Variants in UTS2 observed in about 807,000 individuals in gnomAD.
UTS2 encodes the protein urotensin-2.
Under a neutral mutation model 12.6 loss-of-function variants are expected in UTS2, and 10 were observed. The ratio of observed to expected loss-of-function variants is 0.80; its 90% CI spans 0.49 to 1.35. UTS2 has a LOEUF of 1.35. UTS2 is among the 40% of genes most tolerant of loss of function. UTS2 has a pLI of 0.00. For synonymous variants in UTS2, 52 were observed against 50.0 expected, an observed-to-expected ratio of 1.04 and a Z score of -0.17; for missense variants, 142 against 143.2, an observed-to-expected ratio of 0.99 and a Z score of 0.04.
At chr1:7,858,542 C>CA in the UTS2 span, among the ~76,000 whole-genome samples, 1 of 152,166 alleles carries the variant, frequency 6.6e-6, no homozygotes, top group Non-Finnish European at 1.5e-5. Flanking sequence ...TCCCTGATGA[C>CA]ACGTTTGTCG....
chr1:7,878,088 C>A, the UTS2 span, among the ~76,000 whole-genome samples: 1 of 152,220 alleles, frequency 6.6e-6, no homozygotes, highest in Non-Finnish European at 1.5e-5. Flanking sequence ...CAGCAGATTT[C>A]TCAGCAGGCC....
upstream of UTS2, among the ~76,000 whole-genome samples, chr1:7,855,264 C>T (rs1371146337): frequency 6.6e-6 from 1 of 152,168 alleles, no homozygotes; most frequent in East Asian, 1.9e-4. Context: ...AAATTAGAAA[C>T]ATTTGCTCAA....
chr1:7,882,809 G>GA, the UTS2 span, among the ~76,000 whole-genome samples: 1 of 152,078 alleles, frequency 6.6e-6, no homozygotes, highest in African/African-American at 2.4e-5. Context: ...AGAGATATAT[G>GA]AAAAAATGTT....
the UTS2 span, among the ~76,000 whole-genome samples, chr1:7,884,076 A>T: frequency 6.6e-6 from 1 of 152,084 alleles, no homozygotes; most frequent in Admixed American, 6.5e-5. Flanking sequence ...GGCCTCCCAA[A>T]GGGAAACCAA....
chr1:7,850,809 T>C lies in UTS2; in HGVS notation c.214+3A>G. On this transcript the variant is annotated splice_donor_region_variant and intron_variant, in intron 2 of 3. Coordinates refer to ENST00000361696, the MANE Select transcript of UTS2 (RefSeq NM_006786.4). The stretch of plus-strand genomic sequence containing the variant: ...CACGCTATAAACATGAGAAGCATTT[T>C]ACCTGCTTTCCTGAGAATATCCCCT... 6 of 1,613,950 alleles carry C rather than the reference T, an allele frequency of 3.7e-6. No individual in the cohort carries two copies. The highest frequency in any genetic ancestry group is 5.1e-6 in the Non-Finnish European group (6 of 1,179,784).
the UTS2 span, among the ~76,000 whole-genome samples, chr1:7,899,344 C>T: frequency 6.6e-6 from 1 of 152,164 alleles, no homozygotes; most frequent in Non-Finnish European, 1.5e-5. Flanking sequence ...TCGTGACCAT[C>T]TTTATCCTGT....
chr1:7,890,580 T>C, the UTS2 span, among the ~76,000 whole-genome samples: 2 of 152,058 alleles, frequency 1.3e-5, no homozygotes, highest in Non-Finnish European at 1.5e-5. Flanking sequence ...AATAGCAGCA[T>C]TAAAATGATG....
At chr1:7,907,590 A>G in the UTS2 span, among the ~76,000 whole-genome samples, 70 of 151,028 alleles carry the variant, frequency 4.6e-4, no homozygotes, top group Non-Finnish European at 8.1e-4. Context: ...GCAGTGAGCT[A>G]TGATCACACC....
chr1:7,911,540 A>G, the UTS2 span, among the ~76,000 whole-genome samples: 1 of 152,114 alleles, frequency 6.6e-6, no homozygotes, highest in African/African-American at 2.4e-5. Context: ...CTGCAATCCA[A>G]CCTCAAAATT....
chr1:7,906,895 T>C, the UTS2 span, among the ~76,000 whole-genome samples: 9 of 152,140 alleles, frequency 5.9e-5, no homozygotes, highest in Admixed American at 5.9e-4. Flanking sequence ...CATCCCATCA[T>C]TGCAATCAGA....
chr1:7,872,193 G>C, the UTS2 span, among the ~76,000 whole-genome samples: 1 of 150,712 alleles, frequency 6.6e-6, no homozygotes, highest in African/African-American at 2.4e-5. Context: ...CCCAGTACTC[G>C]GGAGGCTGAG....
the UTS2 span, among the ~76,000 whole-genome samples, chr1:7,880,125 G>C: frequency 6.6e-6 from 1 of 151,974 alleles, no homozygotes; most frequent in African/African-American, 2.4e-5. Flanking sequence ...AGGCATGGTG[G>C]CACACACCTA....
chr1:7,847,735 T>G lies in UTS2; in HGVS notation c.*31A>C. On this transcript the variant is annotated 3_prime_UTR_variant, in exon 4 of 4. Coordinates refer to ENST00000361696, the MANE Select transcript of UTS2 (RefSeq NM_006786.4). ...TTTTTCATATTCTAAGATGGGTGTTTCTGAGCTGACTAACAGATGCTTATT... is the reference window on the plus strand; with the variant it reads ...TTTTTCATATTCTAAGATGGGTGTTGCTGAGCTGACTAACAGATGCTTATT... 6.5e-7 allele frequency: 1 copy of G among 1,532,108 alleles called. No individual in the cohort carries two copies. The allele number at this position is 1,532,108 out of a possible 1,614,324, so 94.9% of individuals were successfully genotyped here. A position where few individuals can be genotyped will look rare whatever the true frequency, so the allele number is the denominator to read the frequency against.
the UTS2 span, among the ~76,000 whole-genome samples, chr1:7,859,788 A>G: frequency 0.38 from 58,304 of 152,072 alleles, 12,443 homozygotes; most frequent in Non-Finnish European, 0.48. Flanking sequence ...ACTTGAGCCC[A>G]GGAGTTCAGT....
At chr1:7,886,320 G>T in the UTS2 span, among the ~76,000 whole-genome samples, 1 of 152,208 alleles carries the variant, frequency 6.6e-6, no homozygotes, top group East Asian at 1.9e-4. Context: ...TTGGAACAGA[G>T]AAAAATATTT....
the UTS2 span, among the ~76,000 whole-genome samples, chr1:7,911,824 C>A: frequency 1.3e-5 from 2 of 150,246 alleles, no homozygotes; most frequent in Non-Finnish European, 2.9e-5. Flanking sequence ...TCGCTTGAAC[C>A]CAGGAGGCGG....
the UTS2 span, among the ~76,000 whole-genome samples, chr1:7,898,971 T>A: frequency 6.6e-6 from 1 of 152,000 alleles, no homozygotes; most frequent in Non-Finnish European, 1.5e-5. Flanking sequence ...TGGCTCGAGG[T>A]TCCATAGGCT....
chr1:7,874,254 G>A, the UTS2 span, among the ~76,000 whole-genome samples: 1 of 152,254 alleles, frequency 6.6e-6, no homozygotes, highest in Non-Finnish European at 1.5e-5. Flanking sequence ...GAGCCCCTTG[G>A]CCCTCATGGG....
chr1:7,864,461 C>CAAAG, the UTS2 span, among the ~76,000 whole-genome samples: 2 of 152,192 alleles, frequency 1.3e-5, no homozygotes, highest in South Asian at 4.1e-4. Flanking sequence ...CTGCACCCAC[C>CAAAG]AAAGAAGACA....
Sources: allele counts gnomAD v4.1 joint callset (sites outside exome capture counted in the v4.1 genomes callset), GRCh38; gene constraint gnomAD v4.1.1; transcripts MANE v1.5; gene names NCBI Gene and HGNC (gene_info 2026-07-23, HGNC 2026-07-21).